The following LRIG3 variants were observed in gnomAD, a reference collection of about 807,000 sequenced individuals.
LRIG3 encodes the protein leucine rich repeats and immunoglobulin like domains 3.
A neutral mutation model predicts 114.5 loss-of-function variants in LRIG3; 76 were observed. The ratio of observed to expected loss-of-function variants is 0.66; its 90% confidence interval spans 0.55 to 0.80. The LOEUF (loss-of-function observed/expected upper bound fraction) is 0.80. Among genes scored for constraint, LRIG3 ranks in the 30% least tolerant of loss-of-function variants. The pLI, the probability that LRIG3 is intolerant of heterozygous loss-of-function variation, is 0.00. For synonymous variants in LRIG3, 512 were observed against 519.8 expected (o/e 0.98, Z 0.20); for missense variants, 1,239 against 1,382.8 (o/e 0.90, Z 1.65).
Position 58,920,088 on chromosome 12 carries a change from T to C in LRIG3, c.148A>G (p.Thr50Ala), listed in dbSNP as rs1167760946. The stretch of plus-strand genomic sequence containing the variant: ...AGCAGGTCCCCGAGGCAGCGGCAGG[T>C]AGTGGGGCATGGGCGCTCGGCGGCT... ...GVAAERPCPT[T>A]CRCLGDLLDC... Residue 50 changes from threonine to alanine, a missense_variant, in exon 1 of 19, where the codon ACC becomes GCC. Thr to Ala is a moderately conservative substitution (Grantham distance 58, BLOSUM62 0). Transcript: ENST00000320743. 1 of 1,554,478 alleles carries C rather than the reference T, an allele frequency of 6.4e-7. No individual in the cohort carries two copies. The highest frequency in any genetic ancestry group is 1.2e-5 in the South Asian group (1 of 84,522).
intron 15 of LRIG3, among the ~76,000 whole-genome samples, chr12:58,877,147 T>G (rs898985819): frequency 6.6e-6 from 1 of 152,210 alleles, no homozygotes; most frequent in Non-Finnish European, 1.5e-5. Context: ...TTAGAAATAT[T>G]TTAGTCAGTG....
intron 15 of LRIG3, 97 bp downstream of exon 15, chr12:58,877,303 G>A (rs949352372): frequency 8.0e-7 from 1 of 1,246,426 alleles, no homozygotes; most frequent in Non-Finnish European, 1.1e-6. Flanking sequence ...ACCCTTCTGA[G>A]ATGAACTCAG....
chr12:58,877,418 A>T lies in LRIG3; in HGVS notation c.2518T>A (p.Cys840Ser). 6.2e-7 allele frequency: 1 copy of T among 1,613,946 alleles called. No individual in the cohort carries two copies. The highest frequency in any genetic ancestry group is 2.2e-5 in the East Asian group (1 of 44,888). ...IYHTRRRNED[C>S]SITNTDETNL... is the part of the protein sequence containing the mutation. Reference sequence around the variant, plus strand: ...TACACACCTGTGTTGGTAATGCTGCAATCTTCATTCCTCCGCCTTGTGTGG... The same window carrying T: ...TACACACCTGTGTTGGTAATGCTGCTATCTTCATTCCTCCGCCTTGTGTGG... Residue 840 changes from cysteine to serine, a missense_variant, in exon 15 of 19, where the codon TGC becomes AGC. Physicochemically the swap from Cys to Ser is moderately radical, Grantham distance 112 (BLOSUM62 -1). Coordinates refer to ENST00000320743, the MANE Select transcript of LRIG3 (RefSeq NM_153377.5).
In LRIG3 at chr12:58,880,320, GA is replaced by G. The variant is rs913691757; in HGVS notation, c.1801+260del. The G allele has an allele frequency of 2.4e-3, 1,155 of 484,592 alleles. 2 individuals carry two copies. The highest frequency in any genetic ancestry group is 8.5e-3 in the South Asian group (391 of 46,174). The allele number at this position is 484,592 out of a possible 1,614,324, so 30.0% of individuals were successfully genotyped here. ...GTCTCAAAAAAAAAAAAAAGAAAAA[GA>G]AAAAAAAAAGAGCAAAAACATGTCT... is the stretch of plus-strand genomic sequence containing the variant. On this transcript the variant is annotated intron_variant, in intron 13 of 18. Transcript: ENST00000320743.
chr12:58,872,939 C>T lies in LRIG3; in HGVS notation c.3116-123G>A, dbSNP rs1592290781. On this transcript the variant is annotated intron_variant, in intron 18 of 18. Transcript: ENST00000320743. ...TGAGTAAGTGTTTTCTACAAGTCCA[C>T]ATTATGGCACTCACATACATGTACA... 1.0e-5 allele frequency: 13 copies of T among 1,293,266 alleles called. No homozygotes were observed. The East Asian group carries it at 3.0e-4, about 30-fold the overall frequency. 80.1% of individuals were successfully genotyped at this position (1,293,266 alleles called of 1,614,324 possible).
intron 3 of LRIG3, among the ~76,000 whole-genome samples, chr12:58,910,150 GAAATA>G (rs1872222698): frequency 6.6e-6 from 1 of 152,132 alleles, no homozygotes; most frequent in Admixed American, 6.5e-5. Context: ...TTTGAGATAA[GAAATA>G]AAGAGAAAAG....
chr12:58,886,011 TC>T, intron 9 of LRIG3, 109 bp from the exon 10 acceptor site: 1 of 503,372 alleles, frequency 2.0e-6, no homozygotes. Flanking sequence ...TCCATTTTCT[TC>T]AATTAAACAA....
rs555273792 is a variant in LRIG3 at position 58,900,035 on chromosome 12, C to A, written c.384-9239G>T. On this transcript the variant is annotated intron_variant, in intron 3 of 18. Coordinates refer to ENST00000320743, the MANE Select transcript of LRIG3 (RefSeq NM_153377.5). ...AGATGTTGCCCCCCCTCAATCATTA[C>A]CCCTGCACAGCTGGGCCTCTGTCCT... Among the ~76,000 whole-genome samples the A allele has an allele frequency of 3.9e-5, 6 of 152,248 alleles. No homozygotes were observed. In the East Asian group the frequency reaches 9.7e-4, roughly 24 times the overall value.
At chr12:58,913,364 G>GTA (rs2120985091) in intron 3 of LRIG3, 1 of 152,306 alleles carries the variant, frequency 6.6e-6, no homozygotes, top group South Asian at 2.1e-4. Flanking sequence ...GTCAGTGCAT[G>GTA]TATATACAAC....
intron 12 of LRIG3, 99 bp from the exon 13 acceptor site, chr12:58,881,000 A>C: frequency 8.7e-7 from 1 of 1,144,924 alleles, no homozygotes; most frequent in South Asian, 1.5e-5. Context: ...ACAGTGGCTT[A>C]GGTTTTACCC....
chr12:58,874,151 C>T lies in LRIG3; in HGVS notation c.3019G>A (p.Gly1007Arg). 1 of 1,614,206 alleles carries T rather than the reference C, an allele frequency of 6.2e-7. No homozygotes were observed. Among genetic ancestry groups the T allele is most frequent in the Non-Finnish European group, 8.5e-7 (1 of 1,180,016 alleles). The change falls in exon 18 of 19, where the codon GGA becomes AGA. Residue 1007 changes from glycine to arginine, a missense_variant. Coordinates refer to ENST00000320743, the MANE Select transcript of LRIG3 (RefSeq NM_153377.5). ...LLNTSYSHNE[G>R]PGMKNLCLNK... ...AGACACAGATTTTTCATTCCAGGTCCTTCATTGTGAGAGTAACTAGTGTTA... is the reference window on the plus strand; with the variant it reads ...AGACACAGATTTTTCATTCCAGGTCTTTCATTGTGAGAGTAACTAGTGTTA...
rs201275935 is a variant in LRIG3, at chr12:58,902,556, C to T, written c.383+11426G>A. Among the ~76,000 whole-genome samples, 5 of 151,830 alleles carry T rather than the reference C, an allele frequency of 3.3e-5. No individual in the cohort carries two copies. The East Asian group carries it at 9.7e-4, about 29-fold the overall frequency. ...AGCAGGTGTTTATATTTATAATTGC[C>T]TTTTCTCTTTTTTTTATTTTTTCAT... On this transcript the variant is annotated intron_variant, in intron 3 of 18. Transcript: ENST00000320743.
At chr12:58,901,245 A>G (rs912601971) in intron 3 of LRIG3, among the ~76,000 whole-genome samples, 1 of 152,214 alleles carries the variant, frequency 6.6e-6, no homozygotes, top group African/African-American at 2.4e-5. Flanking sequence ...ATGAGCCAAT[A>G]ATACAACATG....
intron 3 of LRIG3, among the ~76,000 whole-genome samples, chr12:58,907,643 G>T (rs1872115219): frequency 6.6e-6 from 1 of 152,214 alleles, no homozygotes; most frequent in Non-Finnish European, 1.5e-5. Flanking sequence ...CCAGGAGAGA[G>T]ATGGGCAGAC....
intron 1 of LRIG3, among the ~76,000 whole-genome samples, chr12:58,915,545 T>C (rs1872448360): frequency 6.6e-6 from 1 of 152,084 alleles, no homozygotes; most frequent in Non-Finnish European, 1.5e-5. Context: ...GATTCTCTTT[T>C]TCACCTAAAA....
At chr12:58,912,077 C>T (rs758120201) in intron 3 of LRIG3, among the ~76,000 whole-genome samples, 13 of 152,150 alleles carry the variant, frequency 8.5e-5, no homozygotes, top group Non-Finnish European at 1.8e-4. Flanking sequence ...TGATTTCACA[C>T]CCAGCACTTG....
chr12:58,877,991 C>A, intron 14 of LRIG3, 139 bp from the exon 15 acceptor site: 2 of 786,470 alleles, frequency 2.5e-6, no homozygotes, highest in Non-Finnish European at 4.0e-6. Flanking sequence ...TTCTAAGAGC[C>A]TAAACATATA....
In LRIG3 at chr12:58,920,174, A is replaced by G; in HGVS notation, c.62T>C (p.Leu21Pro). The change falls in exon 1 of 19, where the codon CTG (leucine) becomes CCG (proline). Residue 21 changes from leucine (L) to proline (P), a missense_variant. Physicochemically the swap from Leu to Pro is moderately conservative, Grantham distance 98 (BLOSUM62 -3). Coordinates refer to ENST00000320743, the MANE Select transcript of LRIG3 (RefSeq NM_153377.5). ...GCTGTCTGACCGGCCAGCGCGCCCC[A>G]GCACCGCGCACAGCAGCAGCCCCAA... is the stretch of plus-strand genomic sequence containing the variant. ...AGLGLLLCAV[L>P]GRAGRSDSGG... 6.5e-7 allele frequency: 1 copy of G among 1,535,280 alleles called. No individual in the cohort carries two copies. Among genetic ancestry groups the G allele is most frequent in the Non-Finnish European group, 8.7e-7 (1 of 1,144,048 alleles).
At chr12:58,881,950 G>C (rs75962669) in intron 12 of LRIG3, among the ~76,000 whole-genome samples, 26 of 152,310 alleles carry the variant, frequency 1.7e-4, no homozygotes, top group Middle Eastern at 3.4e-3. Context: ...TATGAAACAA[G>C]GACCATGGGA....
Sources: gnomAD v4.1 joint callset for allele counts (sites outside exome capture counted in the v4.1 genomes callset) on GRCh38, gnomAD v4.1.1 for gene constraint, MANE v1.5 for transcripts, NCBI Gene and HGNC (gene_info 2026-07-23, HGNC 2026-07-21) for gene names.